Variants in AGBL4 observed in about 807,000 individuals in gnomAD.
AGBL4 encodes cytosolic carboxypeptidase 6.
A neutral mutation model predicts 66.4 loss-of-function variants in AGBL4; 58 were observed. The observed-to-expected ratio is 0.87, with a 90% CI of 0.71 to 1.09. The LOEUF is 1.09. AGBL4 is among the 50% of genes least tolerant of loss of function. The pLI, the probability that AGBL4 is intolerant of heterozygous loss-of-function variation, is 0.00. For missense variants in AGBL4, 579 were observed against 631.0 expected, an observed-to-expected ratio of 0.92 and a Z score of 0.88; for synonymous variants, 234 against 222.9, an observed-to-expected ratio of 1.05 and a Z score of -0.44.
At chr1:49,029,766 A>G (rs1664055130) in intron 5 of AGBL4, among the ~76,000 whole-genome samples, 1 of 152,192 alleles carries the variant, frequency 6.6e-6, no homozygotes, top group African/African-American at 2.4e-5. Flanking sequence ...ACATTTAATG[A>G]TTTCAAAACT....
intron 3 of AGBL4, among the ~76,000 whole-genome samples, chr1:49,307,551 ATTGTT>A (rs1644869020): frequency 1.3e-5 from 2 of 152,160 alleles, no homozygotes; most frequent in African/African-American, 4.8e-5. Context: ...ATACTGTTTT[ATTGTT>A]TTATGTTGAG....
chr1:49,077,574 C>A (rs1006211928), intron 4 of AGBL4, among the ~76,000 whole-genome samples: 3 of 152,106 alleles, frequency 2.0e-5, no homozygotes, highest in African/African-American at 7.2e-5. Flanking sequence ...TGGCTTCTTA[C>A]TAACTTGTTA....
At chr1:49,966,202 A>G (rs1305130098) in intron 1 of AGBL4, among the ~76,000 whole-genome samples, 1 of 152,082 alleles carries the variant, frequency 6.6e-6, no homozygotes, top group African/African-American at 2.4e-5. Flanking sequence ...TCAGCCTCCC[A>G]AAGTGCTGGG....
At chr1:48,817,751 G>A in intron 6 of AGBL4, 1 of 344,120 alleles carries the variant, frequency 2.9e-6, no homozygotes, top group Non-Finnish European at 5.3e-6. Context: ...AGGACTGGAA[G>A]CCCAGCCTGG....
intron 3 of AGBL4, among the ~76,000 whole-genome samples, chr1:49,255,824 T>C (rs1274014914): frequency 6.6e-6 from 1 of 152,162 alleles, no homozygotes; most frequent in Non-Finnish European, 1.5e-5. Flanking sequence ...TGGAATACTA[T>C]GCAGCCATAA....
chr1:49,788,305 C>G (rs574278364), intron 2 of AGBL4, among the ~76,000 whole-genome samples: 1 of 151,956 alleles, frequency 6.6e-6, no homozygotes, highest in African/African-American at 2.4e-5. Flanking sequence ...CAGCCAAAAA[C>G]TGAACTGCAC....
At chr1:48,719,636 G>A (rs1557901973) in intron 6 of AGBL4, among the ~76,000 whole-genome samples, 1 of 152,134 alleles carries the variant, frequency 6.6e-6, no homozygotes, top group Non-Finnish European at 1.5e-5. Context: ...TTCATACCTT[G>A]AAACATCTGA....
At chr1:49,892,373 T>C (rs1385853057) in intron 1 of AGBL4, among the ~76,000 whole-genome samples, 2 of 152,186 alleles carry the variant, frequency 1.3e-5, no homozygotes, top group African/African-American at 2.4e-5. Context: ...ATTCCAATCA[T>C]TCCCACTATT....
chr1:49,960,692 G>T (rs1347765560), intron 1 of AGBL4, among the ~76,000 whole-genome samples: 2 of 152,012 alleles, frequency 1.3e-5, no homozygotes, highest in Admixed American at 1.3e-4. Context: ...ACAATCACTT[G>T]CCAATTTAAA....
At chr1:48,573,244 A>G (rs372042417) in intron 11 of AGBL4, among the ~76,000 whole-genome samples, 2 of 152,288 alleles carry the variant, frequency 1.3e-5, no homozygotes, top group African/African-American at 2.4e-5. Context: ...CTCGCTTACT[A>G]TGCCATTTGA....
At chr1:49,271,834 T>A in intron 3 of AGBL4, among the ~76,000 whole-genome samples, 1 of 152,174 alleles carries the variant, frequency 6.6e-6, no homozygotes, top group South Asian at 2.1e-4. Flanking sequence ...TCTATTTTCC[T>A]TCTAGTTTCA....
At chr1:49,107,282 G>T (rs2148012642) in intron 4 of AGBL4, among the ~76,000 whole-genome samples, 1 of 152,250 alleles carries the variant, frequency 6.6e-6, no homozygotes, top group Non-Finnish European at 1.5e-5. Flanking sequence ...TGAGTTAGAT[G>T]ATTTTGCCCA....
intron 6 of AGBL4, chr1:48,758,983 T>C (rs1644105250): frequency 1.2e-6 from 2 of 1,613,452 alleles, no homozygotes; most frequent in Non-Finnish European, 1.7e-6. Flanking sequence ...AAGTGCCCCG[T>C]ACTCCTTGAG....
At chr1:48,571,615 G>T (rs957208973) in intron 11 of AGBL4, among the ~76,000 whole-genome samples, 1 of 152,228 alleles carries the variant, frequency 6.6e-6, no homozygotes, top group Admixed American at 6.5e-5. Flanking sequence ...GGATTCCCAG[G>T]TGAGATGTTT....
downstream of AGBL4, among the ~76,000 whole-genome samples, chr1:48,532,443 C>A (rs1643911327): frequency 6.6e-6 from 1 of 152,086 alleles, no homozygotes; most frequent in Non-Finnish European, 1.5e-5. Context: ...AATCATTATA[C>A]CTGCTGTTTG....
rs1643943608 is a variant in AGBL4 at position 48,534,905 on chromosome 1, A to G, written c.1376T>C (p.Ile459Thr). Reference protein sequence around the residue: ...IPMPRLRNKEIEVQRRKEKSP... With the variant: ...IPMPRLRNKETEVQRRKEKSP... ...AGTTCCTTACCTTCTCTGGACTTCTATTTCTTTATTTCTAAAATAGGAGAA... is the reference window on the plus strand; with the variant it reads ...AGTTCCTTACCTTCTCTGGACTTCTGTTTCTTTATTTCTAAAATAGGAGAA... The change falls in exon 13 of 14, where the codon ATA becomes ACA. Residue 459 changes from isoleucine (I) to threonine (T), a missense_variant. By Grantham distance (89) the Ile-to-Thr change is moderately conservative. Transcript: ENST00000371839. The G allele has an allele frequency of 6.4e-7, 1 of 1,551,352 alleles. No homozygotes were observed.
intron 6 of AGBL4, among the ~76,000 whole-genome samples, chr1:48,754,356 A>G (rs565526775): frequency 2.0e-5 from 3 of 152,222 alleles, no homozygotes; most frequent in African/African-American, 7.2e-5. Context: ...CTACTTGTGC[A>G]TTGTTTTTTA....
At chr1:48,641,848 G>A (rs1010095561) in intron 8 of AGBL4, among the ~76,000 whole-genome samples, 3 of 152,176 alleles carry the variant, frequency 2.0e-5, no homozygotes, top group African/African-American at 7.2e-5. Flanking sequence ...TAGGAGTCAG[G>A]TAAGAGCCTA....
chr1:49,716,568 G>C (rs1283029094), intron 2 of AGBL4, among the ~76,000 whole-genome samples: 1 of 151,970 alleles, frequency 6.6e-6, no homozygotes, highest in African/African-American at 2.4e-5. Flanking sequence ...ACATCAAAAA[G>C]CTTATCCATC....
Sources: allele counts gnomAD v4.1 joint callset (sites outside exome capture counted in the v4.1 genomes callset), GRCh38; gene constraint gnomAD v4.1.1; transcripts MANE v1.5; gene names NCBI Gene and HGNC (gene_info 2026-07-23, HGNC 2026-07-21).